The following PDCD2L variants were observed in gnomAD, a reference collection of about 807,000 sequenced individuals.
The protein encoded by PDCD2L is uS5 assembly chaperone PDCD2L.
Under a neutral mutation model 40.4 loss-of-function variants are expected in PDCD2L, and 44 were observed. The observed-to-expected ratio is 1.09, with a 90% CI of 0.86 to 1.40. PDCD2L has a LOEUF of 1.40. Ranked by LOEUF, PDCD2L falls within the 40% of genes most tolerant of loss-of-function variation. PDCD2L has a pLI of 0.00. For synonymous variants in PDCD2L, 194 were observed against 174.6 expected (o/e 1.11, Z -0.88); for missense variants, 470 against 453.7 (o/e 1.04, Z -0.33).
chr19:34,415,994 C>T (rs1036262102), intron 5 of PDCD2L, among the ~76,000 whole-genome samples: 3 of 152,156 alleles, frequency 2.0e-5, no homozygotes, highest in Non-Finnish European at 4.4e-5. Flanking sequence ...GATCTCAGCT[C>T]ACTGCAACCT....
At chr19:34,422,227 A>C (rs1221960827) in intron 6 of PDCD2L, 1 of 149,874 alleles carries the variant, frequency 6.7e-6, no homozygotes, top group African/African-American at 2.5e-5. Context: ...GGCTCACTGC[A>C]ACCTCCAGCT....
chr19:34,420,576 C>T (rs973941848), intron 5 of PDCD2L, among the ~76,000 whole-genome samples: 2 of 151,684 alleles, frequency 1.3e-5, no homozygotes, highest in East Asian at 3.9e-4. Flanking sequence ...TCACTTGAGG[C>T]CAGGAGTTTG....
chr19:34,404,400 G>A lies in PDCD2L; in HGVS notation c.-31G>A. ...GCGCGTGCGCAGAGAGGCCGCCGTA[G>A]TTTGCGTTTTCACCTGGTCGCCCGG... On this transcript the variant is annotated 5_prime_UTR_variant, in exon 1 of 7. Coordinates refer to ENST00000246535, the MANE Select transcript of PDCD2L (RefSeq NM_032346.2). The A allele has an allele frequency of 1.3e-6, 2 of 1,529,624 alleles. No homozygotes were observed. The highest frequency in any genetic ancestry group is 8.8e-7 in the Non-Finnish European group (1 of 1,137,168). The allele number at this position is 1,529,624 out of a possible 1,614,324, so 94.8% of individuals were successfully genotyped here.
At chr19:34,419,190 C>T (rs775612514) in intron 5 of PDCD2L, among the ~76,000 whole-genome samples, 1 of 151,304 alleles carries the variant, frequency 6.6e-6, no homozygotes, top group Non-Finnish European at 1.5e-5. Flanking sequence ...GAGACGGAGT[C>T]TTGCTCTGTT....
chr19:34,413,769 A>C lies in PDCD2L; in HGVS notation c.719A>C (p.Lys240Thr). The C allele has an allele frequency of 6.2e-7, 1 of 1,603,166 alleles. No individual in the cohort carries two copies. Among genetic ancestry groups the C allele is most frequent in the Non-Finnish European group, 8.5e-7 (1 of 1,172,198 alleles). ...LPNDGDEKYE[K>T]TIIKSGDQTF... ...AATGATGGTGATGAAAAATATGAGA[A>C]GACCATAATTAAAAGTGGAGATCAG... is the stretch of plus-strand genomic sequence containing the variant. The change falls in exon 5 of 7, where the codon AAG becomes ACG. Residue 240 changes from lysine (K) to threonine (T), a missense_variant. Lys to Thr is a moderately conservative substitution (Grantham distance 78, BLOSUM62 -1). Coordinates refer to ENST00000246535, the MANE Select transcript of PDCD2L (RefSeq NM_032346.2).
chr19:34,416,999 A>G (rs2075129196), intron 5 of PDCD2L, among the ~76,000 whole-genome samples: 1 of 152,114 alleles, frequency 6.6e-6, no homozygotes, highest in Non-Finnish European at 1.5e-5. Flanking sequence ...CTATAGTCCC[A>G]GCTGTTCAGG....
At position 34,405,441 on chromosome 19, in the gene PDCD2L, C is replaced by T. The variant is rs372394951; in HGVS notation, c.336+451C>T. Among the ~76,000 whole-genome samples the T allele has an allele frequency of 5.9e-5, 9 of 151,376 alleles. No individual in the cohort carries two copies. In the South Asian group the frequency reaches 1.5e-3, roughly 25 times the overall value. On this transcript the variant is annotated intron_variant, in intron 3 of 6. Coordinates refer to ENST00000246535, the MANE Select transcript of PDCD2L (RefSeq NM_032346.2). ...GATTACAGGCATGAGCCACCGCGCC[C>T]GGCCTTTCTTAAGGTTTTGTGAGAG...
At chr19:34,422,276 T>A in intron 6 of PDCD2L, 1 of 151,314 alleles carries the variant, frequency 6.6e-6, no homozygotes, top group East Asian at 2.0e-4. Flanking sequence ...GCCTCCCTAG[T>A]AGCTGGGATT....
chr19:34,418,324 C>T (rs1038181208), intron 5 of PDCD2L, among the ~76,000 whole-genome samples: 3 of 152,148 alleles, frequency 2.0e-5, no homozygotes, highest in African/African-American at 7.2e-5. Context: ...CCCAGGCAAC[C>T]GCCAATCATC....
At chr19:34,420,285 C>A (rs2075144588) in intron 5 of PDCD2L, among the ~76,000 whole-genome samples, 1 of 151,768 alleles carries the variant, frequency 6.6e-6, no homozygotes, top group Non-Finnish European at 1.5e-5. Context: ...GCCACGGTAC[C>A]CGGCCTACCT....
chr19:34,406,307 G>T (rs1486853284), intron 3 of PDCD2L, among the ~76,000 whole-genome samples: 2 of 152,116 alleles, frequency 1.3e-5, no homozygotes, highest in Non-Finnish European at 2.9e-5. Flanking sequence ...GCTAGTTAAT[G>T]CATTCATCAC....
chr19:34,405,717 A>G (rs753747362), intron 3 of PDCD2L, among the ~76,000 whole-genome samples: 20 of 151,360 alleles, frequency 1.3e-4, no homozygotes, highest in Non-Finnish European at 2.1e-4. Flanking sequence ...CCTGGCCAAC[A>G]TGGCGAAACC....
intron 5 of PDCD2L, 34 bp from the exon 6 acceptor site, chr19:34,421,485 C>G: frequency 6.2e-7 from 1 of 1,610,242 alleles, no homozygotes; most frequent in South Asian, 1.1e-5. Flanking sequence ...ACTTGTGTGG[C>G]TCTGATTCGG....
At chr19:34,408,896 CA>C (rs1167736994) in intron 3 of PDCD2L, among the ~76,000 whole-genome samples, 21 of 152,160 alleles carry the variant, frequency 1.4e-4, no homozygotes, top group African/African-American at 5.1e-4. Context: ...TGAAGCACAA[CA>C]GAAAGATATT....
chr19:34,406,900 TC>T, intron 3 of PDCD2L, among the ~76,000 whole-genome samples: 1 of 142,086 alleles, frequency 7.0e-6, no homozygotes, highest in Non-Finnish European at 1.5e-5. Context: ...TGGCACAATC[TC>T]AGCTCACTGC....
intron 3 of PDCD2L, among the ~76,000 whole-genome samples, chr19:34,407,768 G>A (rs1193186662): frequency 2.0e-5 from 3 of 152,090 alleles, no homozygotes; most frequent in Admixed American, 1.3e-4. Context: ...TGTCTTTATA[G>A]TAAATATACT....
At chr19:34,407,909 ACT>A (rs2075084292) in intron 3 of PDCD2L, among the ~76,000 whole-genome samples, 1 of 152,148 alleles carries the variant, frequency 6.6e-6, no homozygotes, top group African/African-American at 2.4e-5. Flanking sequence ...TTATATATAC[ACT>A]GAGTTTGTTT....
intron 4 of PDCD2L, among the ~76,000 whole-genome samples, chr19:34,412,717 C>CAA (rs35174221): frequency 4.3e-4 from 46 of 106,360 alleles, no homozygotes; most frequent in Middle Eastern, 5.7e-3. Context: ...GACTCCCTCT[C>CAA]AAAAAAAAAA....
At chr19:34,425,035 T>C (rs1447504570) in intron 6 of PDCD2L, among the ~76,000 whole-genome samples, 1 of 152,122 alleles carries the variant, frequency 6.6e-6, no homozygotes, top group Admixed American at 6.6e-5. Context: ...CATGAGCCAA[T>C]GTGCTGTGCC....
Sources: gnomAD v4.1 joint callset for allele counts (sites outside exome capture counted in the v4.1 genomes callset) on GRCh38, gnomAD v4.1.1 for gene constraint, MANE v1.5 for transcripts, NCBI Gene and HGNC (gene_info 2026-07-23, HGNC 2026-07-21) for gene names.